ZPBP: variants seen among roughly 807,000 people sequenced by gnomAD.
The protein encoded by ZPBP is zona pellucida-binding protein 1.
Under a neutral mutation model 44.8 loss-of-function variants are expected in ZPBP, and 26 were observed. The observed-to-expected ratio is 0.58, with a 90% confidence interval of 0.43 to 0.81. The LOEUF (loss-of-function observed/expected upper bound fraction) is 0.81. Ranked by LOEUF, ZPBP falls within the 30% of genes least tolerant of loss-of-function variation. ZPBP has a pLI of 0.00. For synonymous variants in ZPBP, 174 were observed against 153.2 expected (o/e 1.14, Z -1.00); for missense variants, 409 against 434.0 (o/e 0.94, Z 0.51).
intron 2 of ZPBP, among the ~76,000 whole-genome samples, chr7:50,083,318 T>C (rs1802465176): frequency 6.6e-6 from 1 of 151,990 alleles, no homozygotes; most frequent in Non-Finnish European, 1.5e-5. Flanking sequence ...AGTCACTCTA[T>C]AATCAAGTAA....
At position 49,853,264 on chromosome 7, in the gene ZPBP, G is replaced by A. The variant is rs10272559; in HGVS notation, n.510-2750C>T. On this transcript the variant is annotated intron_variant and non_coding_transcript_variant, in intron 2 of 2. Coordinates refer to the ZPBP transcript ENST00000465922. ...TGTTCTGCATGGCAGACCCTATCAG[G>A]TATGACTGTAGTCTCCCTTAGGAAC... Among the ~76,000 whole-genome samples the A allele has an allele frequency of 7.8e-3, 1,187 of 152,352 alleles. 18 individuals are homozygous for A. The highest frequency in any genetic ancestry group is 0.027 in the African/African-American group (1,116 of 41,580).
At chr7:49,955,087 A>C (rs2128760776) in intron 7 of ZPBP, among the ~76,000 whole-genome samples, 1 of 152,310 alleles carries the variant, frequency 6.6e-6, no homozygotes, top group Admixed American at 6.5e-5. Context: ...GACCTGGGCC[A>C]AATAAAATTA....
chr7:50,083,964 T>C (rs969846999), intron 2 of ZPBP, among the ~76,000 whole-genome samples: 8 of 152,114 alleles, frequency 5.3e-5, no homozygotes, highest in East Asian at 3.9e-4. Flanking sequence ...ACTTCTTAAA[T>C]GGTAACACTT....
At chr7:49,866,416 TGTG>T (rs760498547) in intron 2 of ZPBP, among the ~76,000 whole-genome samples, 2 of 152,234 alleles carry the variant, frequency 1.3e-5, no homozygotes, top group Non-Finnish European at 2.9e-5. Context: ...AGGGCTCTCC[TGTG>T]GTGGTCTCAG....
At chr7:49,901,631 T>C (rs189974791) in intron 1 of ZPBP, among the ~76,000 whole-genome samples, 16 of 151,992 alleles carry the variant, frequency 1.1e-4, no homozygotes, top group African/African-American at 3.9e-4. Context: ...TGTTGAGCAA[T>C]AGATTCAACA....
At chr7:50,087,591 A>C (rs140697691) in intron 2 of ZPBP, among the ~76,000 whole-genome samples, 106 of 152,138 alleles carry the variant, frequency 7.0e-4, no homozygotes, top group Non-Finnish European at 1.1e-3. Flanking sequence ...GTTTTACACA[A>C]CATCAGTATG....
At chr7:50,058,532 G>T (rs931013246) in intron 3 of ZPBP, among the ~76,000 whole-genome samples, 5 of 151,928 alleles carry the variant, frequency 3.3e-5, no homozygotes, top group African/African-American at 1.2e-4. Context: ...GATAAATTAT[G>T]CCCTCAGTAA....
chr7:50,013,251 G>C (rs1798669034), intron 6 of ZPBP, among the ~76,000 whole-genome samples: 1 of 151,734 alleles, frequency 6.6e-6, no homozygotes, highest in African/African-American at 2.4e-5. Context: ...GTCACTTGAT[G>C]TATGAAGTTG....
chr7:50,039,483 T>C (rs1355945137), intron 4 of ZPBP, among the ~76,000 whole-genome samples: 1 of 152,202 alleles, frequency 6.6e-6, no homozygotes, highest in African/African-American at 2.4e-5. Flanking sequence ...AGTACAACTA[T>C]GCATTTCTTC....
chr7:49,970,466 C>CTTTTTTTTTTTTTTTTTTT (rs771955717), intron 7 of ZPBP, among the ~76,000 whole-genome samples: 1 of 85,200 alleles, frequency 1.2e-5, no homozygotes, highest in Non-Finnish European at 2.2e-5. Flanking sequence ...GCTGAATATA[C>CTTTTTTTTTTTTTTTTTTT]TTTTTTTTTT....
rs571203021 is a variant in ZPBP, at chr7:49,924,915, A to G, written n.411+10836T>C. On this transcript the variant is annotated intron_variant and non_coding_transcript_variant, in intron 1 of 2. Transcript: ENST00000465922. ...CCAGACCCACCAACAGGCACCGACC[A>G]TAAACACTCCAAGAAAACCCAATGC... Among the ~76,000 whole-genome samples, 47 of 152,338 alleles carry G rather than the reference A, an allele frequency of 3.1e-4. 1 individual carries two copies. The South Asian group carries it at 8.9e-3, about 29-fold the overall frequency.
intron 2 of ZPBP, among the ~76,000 whole-genome samples, chr7:49,879,649 G>A (rs1055354486): frequency 3.3e-5 from 5 of 152,082 alleles, no homozygotes; most frequent in Admixed American, 6.6e-5. Flanking sequence ...CCAACTGGAA[G>A]GCCTTGTACT....
intron 2 of ZPBP, among the ~76,000 whole-genome samples, chr7:49,894,308 G>A (rs1206988309): frequency 2.0e-5 from 3 of 152,074 alleles, no homozygotes; most frequent in East Asian, 1.9e-4. Context: ...AGATAGCACC[G>A]CCATGCCCGG....
chr7:49,906,937 A>T (rs1359898442), intron 1 of ZPBP, among the ~76,000 whole-genome samples: 1 of 152,212 alleles, frequency 6.6e-6, no homozygotes, highest in African/African-American at 2.4e-5. Context: ...ATGATAAAAA[A>T]AAATGTGCTA....
intron 6 of ZPBP, among the ~76,000 whole-genome samples, chr7:50,017,913 T>C (rs1431426371): frequency 6.6e-6 from 1 of 152,126 alleles, no homozygotes; most frequent in Non-Finnish European, 1.5e-5. Flanking sequence ...AATTTGCTTG[T>C]TATTTATGAT....
intron 1 of ZPBP, 83 bp downstream of exon 1, chr7:50,092,985 C>A: frequency 6.5e-7 from 1 of 1,530,986 alleles, no homozygotes; most frequent in Non-Finnish European, 8.8e-7. Flanking sequence ...AACGGATGCA[C>A]GTGACACAAG....
chr7:49,880,227 A>G (rs150473428), intron 2 of ZPBP, among the ~76,000 whole-genome samples: 3 of 152,272 alleles, frequency 2.0e-5, no homozygotes, highest in East Asian at 3.9e-4. Flanking sequence ...TTTTTCTCTT[A>G]TATGTGTGGC....
intron 2 of ZPBP, among the ~76,000 whole-genome samples, chr7:49,858,632 C>A (rs1790524144): frequency 6.6e-6 from 1 of 151,412 alleles, no homozygotes; most frequent in Non-Finnish European, 1.5e-5. Flanking sequence ...TGCAGCACAC[C>A]AACACGGCAC....
chr7:49,958,707 C>T (rs1795714445), intron 7 of ZPBP, among the ~76,000 whole-genome samples: 1 of 152,168 alleles, frequency 6.6e-6, no homozygotes, highest in African/African-American at 2.4e-5. Flanking sequence ...CAGCACAAAA[C>T]AGACTAAGAC....
Sources: allele counts gnomAD v4.1 joint callset (sites outside exome capture counted in the v4.1 genomes callset), GRCh38; gene constraint gnomAD v4.1.1; transcripts MANE v1.5; gene names NCBI Gene and HGNC (gene_info 2026-07-23, HGNC 2026-07-21).